The following TRPC4 variants were observed in gnomAD, a reference collection of about 807,000 sequenced individuals.
The protein encoded by TRPC4 is transient receptor potential cation channel subfamily C member 4.
In TRPC4, 49 loss-of-function variants were observed where a neutral mutation model predicts 99.4. The ratio of observed to expected loss-of-function variants is 0.49; its 90% CI spans 0.39 to 0.63. TRPC4 has a LOEUF of 0.63. Among genes scored for constraint, TRPC4 ranks in the 20% least tolerant of loss-of-function variants. The probability of loss-of-function intolerance (pLI) is 0.00; values close to 1 mark genes in which losing one functional copy is unlikely to be tolerated. For missense variants in TRPC4, 898 were observed against 1,152.9 expected (o/e 0.78, Z 3.20); for synonymous variants, 454 against 425.9 (o/e 1.07, Z -0.81).
chr13:37,848,467 G>A (rs572789512), intron 1 of TRPC4, among the ~76,000 whole-genome samples: 43 of 152,078 alleles, frequency 2.8e-4, no homozygotes, highest in African/African-American at 9.9e-4. Flanking sequence ...AAGGAATTCC[G>A]ATTCCTGACT....
At chr13:37,867,906 A>G (rs751527336) in intron 1 of TRPC4, among the ~76,000 whole-genome samples, 1 of 152,154 alleles carries the variant, frequency 6.6e-6, no homozygotes, top group African/African-American at 2.4e-5. Flanking sequence ...GTAGTTCTCC[A>G]TGGAGCATAA....
intron 3 of TRPC4, among the ~76,000 whole-genome samples, chr13:37,740,934 C>T (rs557190222): frequency 6.6e-6 from 1 of 152,234 alleles, no homozygotes; most frequent in South Asian, 2.1e-4. Context: ...GTTGATTTTT[C>T]TCCTTTAACA....
At chr13:37,840,209 C>A (rs558266027) in intron 1 of TRPC4, among the ~76,000 whole-genome samples, 2 of 152,130 alleles carry the variant, frequency 1.3e-5, no homozygotes, top group African/African-American at 4.8e-5. Context: ...AGGTATCTGG[C>A]ACAACTTTCT....
chr13:37,701,560 C>T (rs1023739444), intron 3 of TRPC4, among the ~76,000 whole-genome samples: 1 of 152,030 alleles, frequency 6.6e-6, no homozygotes, highest in African/African-American at 2.4e-5. Flanking sequence ...TTGCTTGTTC[C>T]CATCCTGGTC....
rs1955945216 is a variant in TRPC4, at chr13:37,752,075, C to CTCTATA, written c.379-5621_379-5620insTATAGA. Among the ~76,000 whole-genome samples, 2 of 73,952 alleles carry CTCTATA rather than the reference C, an allele frequency of 2.7e-5. 1 individual carries two copies. The highest frequency in any genetic ancestry group is 5.4e-5 in the Non-Finnish European group (2 of 36,724). 48.5% of individuals were successfully genotyped at this position (73,952 alleles called of 152,430 possible). A position where few individuals can be genotyped will look rare whatever the true frequency, so the allele number is the denominator to read the frequency against. On this transcript the variant is annotated intron_variant, in intron 2 of 10. Transcript: ENST00000379705. ...TACCAAAACCTGATAAAGCAGAAAA[C>CTCTATA]TATATATATATATATATATATGACT... is the stretch of plus-strand genomic sequence containing the variant.
chr13:37,641,761 C>T (rs1044834925), intron 8 of TRPC4, among the ~76,000 whole-genome samples: 5 of 152,142 alleles, frequency 3.3e-5, no homozygotes, highest in African/African-American at 1.2e-4. Context: ...GAGTTTAACT[C>T]TGACACCCTA....
Position 37,634,766 on chromosome 13 carries a change from C to T in TRPC4, c.*2137G>A, listed in dbSNP as rs752463387. ...AATATCCCAAATATTAACAATAGGC[C>T]TACAATTTCTCTACTACTGTAGGTA... On this transcript the variant is annotated 3_prime_UTR_variant, in exon 11 of 11. Transcript: ENST00000379705. 6.6e-6 allele frequency among the ~76,000 whole-genome samples: 1 copy of T among 151,964 alleles called. No individual in the cohort carries two copies. Among genetic ancestry groups the T allele is most frequent in the Non-Finnish European group, 1.5e-5 (1 of 67,956 alleles).
chr13:37,868,302 C>A (rs900172176), intron 1 of TRPC4, among the ~76,000 whole-genome samples: 1 of 151,466 alleles, frequency 6.6e-6, no homozygotes, highest in Non-Finnish European at 1.5e-5. Flanking sequence ...TTTTTTTTCC[C>A]CCCTTAAACA....
intron 1 of TRPC4, among the ~76,000 whole-genome samples, chr13:37,797,501 T>C (rs1957288891): frequency 6.6e-6 from 1 of 152,158 alleles, no homozygotes; most frequent in African/African-American, 2.4e-5. Context: ...GTATTTAACA[T>C]CCTGAAAACA....
At position 37,676,856 on chromosome 13, in the gene TRPC4, T is replaced by C. The variant is rs187601368; in HGVS notation, c.1235-2489A>G. On this transcript the variant is annotated intron_variant, in intron 4 of 10. Coordinates refer to ENST00000379705, the MANE Select transcript of TRPC4 (RefSeq NM_016179.4). ...AAAAGGATATTTTTAAGGCAGAAGGTGTATAATATTGGACAGAAAGTTAGA... is the reference window on the plus strand; with the variant it reads ...AAAAGGATATTTTTAAGGCAGAAGGCGTATAATATTGGACAGAAAGTTAGA... Among the ~76,000 whole-genome samples, 6 of 152,142 alleles carry C rather than the reference T, an allele frequency of 3.9e-5. No homozygotes were observed. The East Asian group carries it at 1.2e-3, about 29-fold the overall frequency.
At chr13:37,758,601 T>C (rs1332338266) in intron 2 of TRPC4, among the ~76,000 whole-genome samples, 3 of 151,808 alleles carry the variant, frequency 2.0e-5, no homozygotes, top group African/African-American at 4.8e-5. Flanking sequence ...CTGTTCCTGT[T>C]TGGCAAATTA....
chr13:37,856,579 A>T (rs1019531208), intron 1 of TRPC4, among the ~76,000 whole-genome samples: 10 of 151,612 alleles, frequency 6.6e-5, no homozygotes, highest in Admixed American at 6.6e-4. Flanking sequence ...ACATTAAAAA[A>T]AAAGAAAACT....
Position 37,746,423 on chromosome 13 carries a change from A to G in TRPC4, c.411T>C (p.Ser137=), listed in dbSNP as rs915941947. The G allele has an allele frequency of 1.9e-6, 3 of 1,611,724 alleles. No individual in the cohort carries two copies. The highest frequency in any genetic ancestry group is 1.7e-4 in the Middle Eastern group (1 of 6,038). The change falls in exon 3 of 11, where the codon TCT becomes TCC. Residue 137 remains serine, a synonymous_variant. Coordinates refer to ENST00000379705, the MANE Select transcript of TRPC4 (RefSeq NM_016179.4). Reference sequence around the variant, plus strand: ...TTGGTGTAATGTCTGGAGTGAATTCAGAGAACTGCTTATCAAGGAGTATAG... The same window carrying G: ...TTGGTGTAATGTCTGGAGTGAATTCGGAGAACTGCTTATCAAGGAGTATAG... The part of the protein sequence containing the change: ...VPPILLDKQF[S]EFTPDITPII...
At chr13:37,797,465 G>C (rs1292482967) in intron 1 of TRPC4, among the ~76,000 whole-genome samples, 1 of 152,082 alleles carries the variant, frequency 6.6e-6, no homozygotes, top group Admixed American at 6.6e-5. Context: ...TCCCTTTGCT[G>C]TTCTCTGAAT....
intron 1 of TRPC4, among the ~76,000 whole-genome samples, chr13:37,786,344 AAGAGAG>A (rs902910537): frequency 8.1e-5 from 12 of 148,432 alleles, no homozygotes; most frequent in South Asian, 4.3e-4. Context: ...GTAGAGAAGA[AAGAGAG>A]AGAGAGAGAA....
At chr13:37,818,597 T>A (rs982607887) in intron 1 of TRPC4, among the ~76,000 whole-genome samples, 1 of 152,098 alleles carries the variant, frequency 6.6e-6, no homozygotes, top group African/African-American at 2.4e-5. Context: ...ATGGCACATA[T>A]ACACCATGGA....
chr13:37,662,062 A>G (rs1952462713), intron 6 of TRPC4, among the ~76,000 whole-genome samples: 1 of 152,036 alleles, frequency 6.6e-6, no homozygotes, highest in South Asian at 2.1e-4. Context: ...TAATCCCAAC[A>G]CTTTGGGAGG....
At chr13:37,750,106 G>A (rs1473757270) in intron 2 of TRPC4, among the ~76,000 whole-genome samples, 1 of 151,454 alleles carries the variant, frequency 6.6e-6, no homozygotes, top group East Asian at 2.0e-4. Flanking sequence ...TACTCTTTAT[G>A]TCTAGCTTTC....
At chr13:37,830,803 GTATA>G (rs148590771) in intron 1 of TRPC4, among the ~76,000 whole-genome samples, 10,374 of 146,080 alleles carry the variant, frequency 0.071, 810 homozygotes, top group African/African-American at 0.18. Context: ...TATATTTTTT[GTATA>G]TATATATATA....
Sources: allele counts gnomAD v4.1 joint callset (sites outside exome capture counted in the v4.1 genomes callset), GRCh38; gene constraint gnomAD v4.1.1; transcripts MANE v1.5; gene names NCBI Gene and HGNC (gene_info 2026-07-23, HGNC 2026-07-21).